Variants in MACF1 observed in about 807,000 individuals in gnomAD.
The protein encoded by MACF1 is microtubule actin crosslinking factor 1, also known as microtubule-actin cross-linking factor 1.
MACF1 carries 193 observed loss-of-function variants against 854.8 expected under a neutral mutation model. The ratio of observed to expected loss-of-function variants is 0.23; its 90% CI spans 0.20 to 0.25. The LOEUF (loss-of-function observed/expected upper bound fraction) is 0.25. Ranked by LOEUF, MACF1 falls within the 10% of genes least tolerant of loss-of-function variation. The pLI, the probability that MACF1 is intolerant of heterozygous loss-of-function variation, is 1.00. For synonymous variants in MACF1, 3,185 were observed against 3,226.7 expected, an observed-to-expected ratio of 0.99 and a Z score of 0.44; for missense variants, 7,722 against 8,929.1, an observed-to-expected ratio of 0.86 and a Z score of 5.45.
Position 39,458,480 on chromosome 1 carries a change from C to T in MACF1, c.21186C>T (p.Arg7062=). The part of the protein sequence containing the change: ...PTHAPFIEKS[R]SGGRKSLSQP... ...ACGCGCCTTTCATAGAGAAATCCCGCAGCGGAGGCAGTATGTTTCCAGCCC... is the reference window on the plus strand; with the variant it reads ...ACGCGCCTTTCATAGAGAAATCCCGTAGCGGAGGCAGTATGTTTCCAGCCC... Residue 7062 remains arginine, a synonymous_variant, in exon 90 of 101, where the codon CGC becomes CGT. Transcript: ENST00000564288. 1 of 1,613,404 alleles carries T rather than the reference C, an allele frequency of 6.2e-7. No homozygotes were observed. The highest frequency in any genetic ancestry group is 2.2e-5 in the East Asian group (1 of 44,882).
Position 39,334,219 on chromosome 1 carries a change from A to G in MACF1, c.7631A>G (p.His2544Arg). 4.3e-6 allele frequency: 7 copies of G among 1,614,150 alleles called. No homozygotes were observed. The highest frequency in any genetic ancestry group is 5.1e-6 in the Non-Finnish European group (6 of 1,179,992). Residue 2544 changes from histidine to arginine, a missense_variant, in exon 37 of 101, where the codon CAT becomes CGT. His to Arg is a conservative substitution (Grantham distance 29). Around this residue, in one of 15 missense-constraint regions of MACF1, gnomAD observed 1,531 missense variants for 1,601.6 expected, o/e 0.96. Transcript: ENST00000564288. ...AAAAGAGTTGAGAACTTAAACATCC[A>G]TCAGATTTTTAATCCTGAAACGAAG... ...KLKRVENLNIHQIFNPETKEN... is the reference protein window; with the variant it reads ...KLKRVENLNIRQIFNPETKEN...
upstream of MACF1, among the ~76,000 whole-genome samples, chr1:39,203,648 T>C (rs1644417447): frequency 6.6e-6 from 1 of 152,236 alleles, no homozygotes; most frequent in African/African-American, 2.4e-5. Flanking sequence ...CCATTTCTAG[T>C]TGTATAGTTT....
chr1:39,324,222 T>C lies in MACF1; in HGVS notation c.4266T>C (p.His1422=), dbSNP rs1296264564. ...EKVVEEEKQE[H]VEKVKELLGW... Reference sequence around the variant, plus strand: ...TGGTAGAAGAGGAGAAACAAGAACATGTGGAGAAGGTTAAAGAACTTTTGG... The same window carrying C: ...TGGTAGAAGAGGAGAAACAAGAACACGTGGAGAAGGTTAAAGAACTTTTGG... Residue 1422 remains histidine, a synonymous_variant, in exon 34 of 101, where the codon CAT becomes CAC. Transcript: ENST00000564288. 1 of 1,610,426 alleles carries C rather than the reference T, an allele frequency of 6.2e-7. No individual in the cohort carries two copies. Among genetic ancestry groups the C allele is most frequent in the South Asian group, 1.1e-5 (1 of 90,456 alleles).
chr1:39,458,316 A>G lies in MACF1; in HGVS notation c.21076-54A>G, dbSNP rs1644483434. On this transcript the variant is annotated intron_variant, in intron 89 of 100. Transcript: ENST00000564288. ...CCATCCTAGCTCTTCCTTTGCCCCC[A>G]TAAGAGTAAAAATACAATATTTAAC... 8 of 1,583,160 alleles carry G rather than the reference A, an allele frequency of 5.1e-6. No individual in the cohort carries two copies. The East Asian group carries it at 6.8e-5, about 13-fold the overall frequency.
intron 97 of MACF1, 62 bp downstream of exon 97, chr1:39,469,677 C>G (rs1644739882): frequency 7.8e-7 from 1 of 1,278,446 alleles, no homozygotes; most frequent in Admixed American, 2.0e-5. Flanking sequence ...GGCTTTGCTT[C>G]TTAAACTGTA....
chr1:39,433,048 GC>G lies in MACF1; in HGVS notation c.17459del (p.Ala5820ValfsTer42). ...QTTAQLQVQK[A>X]FSIDIIRHKD... The stretch of plus-strand genomic sequence containing the variant: ...CTTAACTACAGTTTACTTTTCAAAG[GC>G]TTTCTCCATTGACATTATTCGACAC... On this transcript the variant is annotated frameshift_variant and splice_region_variant, in exon 68 of 101. Transcript: ENST00000564288. LOFTEE classifies it high-confidence loss of function. The G allele has an allele frequency of 6.3e-7, 1 of 1,594,210 alleles. No individual in the cohort carries two copies. The highest frequency in any genetic ancestry group is 8.6e-7 in the Non-Finnish European group (1 of 1,164,832).
At chr1:39,216,678 C>CTT (rs3078383) in intron 1 of MACF1, among the ~76,000 whole-genome samples, 2,078 of 148,588 alleles carry the variant, frequency 0.014, 34 homozygotes, top group African/African-American at 0.041. Context: ...TAGTGGTCTA[C>CTT]TTTTTTTTTT....
chr1:39,465,123 C>G lies in MACF1; in HGVS notation c.21771+11C>G. The G allele has an allele frequency of 6.2e-7, 1 of 1,611,842 alleles. No homozygotes were observed. Among genetic ancestry groups the G allele is most frequent in the Non-Finnish European group, 8.5e-7 (1 of 1,178,040 alleles). On this transcript the variant is annotated intron_variant, in intron 95 of 100. Coordinates refer to ENST00000564288, the MANE Select transcript of MACF1 (RefSeq NM_001394062.1). ...TTCCTCGGCAATCAGGTACAGTGTG[C>G]CTTGCAATGTTCTCCTTCTCAATGG...
chr1:39,139,179 C>T (rs1643261245), intron 2 of MACF1, among the ~76,000 whole-genome samples: 1 of 152,170 alleles, frequency 6.6e-6, no homozygotes, highest in East Asian at 1.9e-4. Context: ...TTTTAATCAA[C>T]TGTCTCGTCA....
At chr1:39,236,260 G>T (rs1444204300) in intron 2 of MACF1, among the ~76,000 whole-genome samples, 43 of 152,146 alleles carry the variant, frequency 2.8e-4, no homozygotes, top group Non-Finnish European at 1.5e-5. Context: ...TGCAGAACTG[G>T]CTCTGGTTGC....
At position 39,479,851 on chromosome 1, in the gene MACF1, G is replaced by A. The variant is rs868609191; in HGVS notation, c.22012G>A (p.Ala7338Thr). 1.2e-6 allele frequency: 2 copies of A among 1,614,250 alleles called. No individual in the cohort carries two copies. Among genetic ancestry groups the A allele is most frequent in the Middle Eastern group, 1.6e-4 (1 of 6,062 alleles). ...AGAGAAATTCATCCTACCAGAGGGA[G>A]CATCCCAGGGAATGACCCCCTTCCG... Reference protein sequence around the residue: ...LREKFILPEGASQGMTPFRSR... With the variant: ...LREKFILPEGTSQGMTPFRSR... Residue 7338 changes from alanine (A) to threonine (T), a missense_variant, in exon 98 of 101, where the codon GCA becomes ACA. Physicochemically the swap from Ala to Thr is moderately conservative, Grantham distance 58 (BLOSUM62 0). This residue lies in a region of MACF1 where 153 missense variants were observed against 342.5 expected (regional missense o/e 0.45). Coordinates refer to ENST00000564288, the MANE Select transcript of MACF1 (RefSeq NM_001394062.1).
chr1:39,420,404 C>A (rs1359671982), intron 58 of MACF1, among the ~76,000 whole-genome samples: 5 of 152,152 alleles, frequency 3.3e-5, no homozygotes, highest in Admixed American at 1.3e-4. Flanking sequence ...GCAGAAACAT[C>A]TTTAATGCTA....
chr1:39,190,614 C>T (rs1316758152), intron 2 of MACF1, among the ~76,000 whole-genome samples: 3 of 151,786 alleles, frequency 2.0e-5, no homozygotes, highest in Non-Finnish European at 4.4e-5. Context: ...ACTGCGATTA[C>T]AGACGTGAGC....
intron 10 of MACF1, 55 bp from the exon 11 acceptor site, chr1:39,284,278 A>G: frequency 6.4e-7 from 1 of 1,565,820 alleles, no homozygotes; most frequent in South Asian, 1.2e-5. Flanking sequence ...AGGTGGTATG[A>G]AAAATTGGGT....
chr1:39,094,401 T>A (rs1571029958), intron 2 of MACF1, among the ~76,000 whole-genome samples: 1 of 139,626 alleles, frequency 7.2e-6, no homozygotes. Flanking sequence ...AAATTTTGTC[T>A]CCAAAAAAAA....
chr1:39,106,807 CCACTTTTTTTTTCTTGTGG>C (rs958151295), intron 2 of MACF1, among the ~76,000 whole-genome samples: 1 of 141,140 alleles, frequency 7.1e-6, no homozygotes, highest in African/African-American at 2.6e-5. Context: ...CCCCTCCCCC[CCACTTTTTTTTTCTTGTGG>C]CATTGGAACT....
At chr1:39,090,691 A>C (rs1221670125) in intron 2 of MACF1, among the ~76,000 whole-genome samples, 2 of 152,282 alleles carry the variant, frequency 1.3e-5, no homozygotes, top group Non-Finnish European at 2.9e-5. Context: ...TGAAGGTAGG[A>C]ATGCAGAGGA....
intron 2 of MACF1, among the ~76,000 whole-genome samples, chr1:39,108,189 A>T (rs1047027688): frequency 6.6e-6 from 1 of 152,190 alleles, no homozygotes; most frequent in East Asian, 1.9e-4. Context: ...AACAGGAGGC[A>T]TTAGATAATA....
intron 2 of MACF1, among the ~76,000 whole-genome samples, chr1:39,096,854 CAG>C (rs1181774914): frequency 6.6e-6 from 1 of 151,232 alleles, no homozygotes; most frequent in Non-Finnish European, 1.5e-5. Flanking sequence ...ACCTACTGCC[CAG>C]AGTCTTCATG....
Sources: allele counts gnomAD v4.1 joint callset (sites outside exome capture counted in the v4.1 genomes callset), GRCh38; gene constraint gnomAD v4.1.1; regional missense constraint gnomAD v4.1.1; transcripts MANE v1.5; gene names NCBI Gene and HGNC (gene_info 2026-07-23, HGNC 2026-07-21).